The following POM121 variants were observed in gnomAD, a reference collection of about 807,000 sequenced individuals.
POM121 encodes the protein POM121 transmembrane nucleoporin, also known as nuclear envelope pore membrane protein POM 121.
In POM121, 32 loss-of-function variants were observed where a neutral mutation model predicts 81.3. The observed-to-expected ratio is 0.39, with a 90% CI of 0.30 to 0.53. The LOEUF (loss-of-function observed/expected upper bound fraction) is 0.53, where lower values mean the gene tolerates loss of function less well. Among genes scored for constraint, POM121 ranks in the 20% least tolerant of loss-of-function variants. The pLI, the probability that POM121 is intolerant of heterozygous loss-of-function variation, is 0.66. For synonymous variants in POM121, 514 were observed against 694.2 expected (o/e 0.74, Z 4.08); for missense variants, 1,138 against 1,614.6 (o/e 0.70, Z 5.06).
At chr7:72,904,494 C>T (rs192993955) in intron 3 of POM121, among the ~76,000 whole-genome samples, 35 of 152,280 alleles carry the variant, frequency 2.3e-4, no homozygotes, top group African/African-American at 7.2e-4. Context: ...TGGCAGCCCT[C>T]GGGCAGCTGA....
At chr7:72,912,498 C>T (rs1419516307) in intron 3 of POM121, among the ~76,000 whole-genome samples, 8 of 151,154 alleles carry the variant, frequency 5.3e-5, no homozygotes, top group Admixed American at 1.3e-4. Flanking sequence ...GTTTTCTGGC[C>T]GGGCGTGGTG....
intron 5 of POM121, among the ~76,000 whole-genome samples, chr7:72,930,493 A>T (rs1795907994): frequency 6.6e-6 from 1 of 152,226 alleles, no homozygotes; most frequent in African/African-American, 2.4e-5. Flanking sequence ...TTCGAGACAG[A>T]GCTGTGTTGT....
At chr7:72,931,066 C>T (rs782196820) in intron 5 of POM121, among the ~76,000 whole-genome samples, 39 of 151,960 alleles carry the variant, frequency 2.6e-4, no homozygotes, top group Non-Finnish European at 4.0e-4. Context: ...GATTTTGAGA[C>T]GAGTTCATCA....
downstream of POM121, chr7:72,949,463 T>C: frequency 6.3e-7 from 1 of 1,583,230 alleles, no homozygotes; most frequent in Non-Finnish European, 8.7e-7. Flanking sequence ...GCCAGCCGCC[T>C]GGCATCCAGG....
downstream of POM121, chr7:72,948,358 G>T: frequency 6.2e-7 from 1 of 1,612,610 alleles, no homozygotes; most frequent in Non-Finnish European, 8.5e-7. Flanking sequence ...CAAGAACACA[G>T]CCCGAGGAAG....
rs1797812173 is a variant in POM121, at chr7:72,948,072, C to T, written c.*1838C>T. Reference sequence around the variant, plus strand: ...AGGTAGACCCTCCTAGTGTCAGTACCTGAGCTAGTTTACCTCAGTTCCGCA... The same window carrying T: ...AGGTAGACCCTCCTAGTGTCAGTACTTGAGCTAGTTTACCTCAGTTCCGCA... On this transcript the variant is annotated 3_prime_UTR_variant, in exon 13 of 13. Coordinates refer to ENST00000434423, the MANE Select transcript of POM121 (RefSeq NM_001387691.1). 7.6e-7 allele frequency: 1 copy of T among 1,318,934 alleles called. No homozygotes were observed. The highest frequency in any genetic ancestry group is 1.7e-5 in the South Asian group (1 of 59,932). 81.7% of individuals were successfully genotyped at this position (1,318,934 alleles called of 1,614,324 possible).
At chr7:72,945,288 C>T (rs1797565083) in intron 11 of POM121, among the ~76,000 whole-genome samples, 1 of 152,060 alleles carries the variant, frequency 6.6e-6, no homozygotes, top group African/African-American at 2.4e-5. Context: ...GAGGCGGGGG[C>T]CCCAGAGTAC....
chr7:72,927,390 G>C (rs1795566075), intron 3 of POM121, among the ~76,000 whole-genome samples: 1 of 152,162 alleles, frequency 6.6e-6, no homozygotes, highest in Non-Finnish European at 1.5e-5. Context: ...ACTAGAGTTT[G>C]GTAGATTTAT....
chr7:72,896,531 C>T (rs1234667371), intron 3 of POM121, among the ~76,000 whole-genome samples: 1 of 138,836 alleles, frequency 7.2e-6, no homozygotes, highest in Non-Finnish European at 1.5e-5. Flanking sequence ...GTGGCACGCA[C>T]CTGTAGTCCC....
chr7:72,946,326 A>C lies in POM121; in HGVS notation c.*92A>C. 2 of 1,514,742 alleles carry C rather than the reference A, an allele frequency of 1.3e-6. No homozygotes were observed. The highest frequency in any genetic ancestry group is 2.5e-5 in the South Asian group (2 of 78,906). 93.8% of individuals were successfully genotyped at this position (1,514,742 alleles called of 1,614,324 possible). The stretch of plus-strand genomic sequence containing the variant: ...GAGCCTTGGACCCTTCCAGTTGCGT[A>C]AAGCAAACCTACCCCGGATCTCTGG... On this transcript the variant is annotated 3_prime_UTR_variant, in exon 13 of 13. Coordinates refer to ENST00000434423, the MANE Select transcript of POM121 (RefSeq NM_001387691.1).
At chr7:72,893,456 C>T (rs1405057958) in intron 3 of POM121, among the ~76,000 whole-genome samples, 5 of 151,962 alleles carry the variant, frequency 3.3e-5, no homozygotes, top group African/African-American at 7.2e-5. Flanking sequence ...TGGTGGCGGG[C>T]GCCTGCAGTC....
chr7:72,909,203 A>G (rs1793572104), intron 3 of POM121, among the ~76,000 whole-genome samples: 1 of 152,226 alleles, frequency 6.6e-6, no homozygotes, highest in Non-Finnish European at 1.5e-5. Context: ...TTCCTGCAAC[A>G]CAGTGAGACT....
At chr7:72,887,818 A>C (rs1474989582) in intron 1 of POM121, among the ~76,000 whole-genome samples, 2 of 152,194 alleles carry the variant, frequency 1.3e-5, no homozygotes, top group Non-Finnish European at 2.9e-5. Context: ...CAAGAGCGAG[A>C]CTTCATCTCA....
rs1318706519 is a variant in POM121 at position 72,904,053 on chromosome 7, C to T, written c.-215-9712C>T. ...TCCTGGCCTCAAGTGATCTGCCCGC[C>T]TCGGCTTCCCAAAGTGCTAGGATTA... is the stretch of plus-strand genomic sequence containing the variant. On this transcript the variant is annotated intron_variant, in intron 3 of 15. Coordinates refer to the POM121 transcript ENST00000395270. 5.3e-5 allele frequency among the ~76,000 whole-genome samples: 8 copies of T among 152,214 alleles called. No homozygotes were observed. The East Asian group carries it at 1.5e-3, about 29-fold the overall frequency.
At chr7:72,909,948 T>C (rs1554494005) in intron 3 of POM121, among the ~76,000 whole-genome samples, 1 of 152,236 alleles carries the variant, frequency 6.6e-6, no homozygotes, top group Non-Finnish European at 1.5e-5. Flanking sequence ...CACCCAGCCC[T>C]GGAGGCCAGT....
At chr7:72,927,014 G>A in intron 3 of POM121, 51 bp downstream of exon 3, 2 of 1,613,316 alleles carry the variant, frequency 1.2e-6, no homozygotes, top group Non-Finnish European at 1.7e-6. Context: ...GACTCCTATG[G>A]GATGAGATGT....
intron 1 of POM121, among the ~76,000 whole-genome samples, chr7:72,890,426 G>T (rs1189473308): frequency 6.6e-6 from 1 of 152,114 alleles, no homozygotes; most frequent in Non-Finnish European, 1.5e-5. Flanking sequence ...TAGGAGCTCA[G>T]TTGTGTTTTG....
intron 4 of POM121, among the ~76,000 whole-genome samples, chr7:72,917,549 G>A (rs1272020874): frequency 6.6e-6 from 1 of 152,022 alleles, no homozygotes. Flanking sequence ...TTTCCTTCTC[G>A]GATTTAGGAA....
intron 3 of POM121, among the ~76,000 whole-genome samples, chr7:72,892,635 CCCTCCCTCCCTT>C (rs1450677436): frequency 6.6e-6 from 1 of 151,818 alleles, no homozygotes; most frequent in Non-Finnish European, 1.5e-5. Context: ...TTCCTCTCTT[CCCTCCCTCCCTT>C]CCTCCCTCCC....
Sources: gnomAD v4.1 joint callset for allele counts (sites outside exome capture counted in the v4.1 genomes callset) on GRCh38, gnomAD v4.1.1 for gene constraint, MANE v1.5 for transcripts, NCBI Gene and HGNC (gene_info 2026-07-23, HGNC 2026-07-21) for gene names.